Variants in MSRB3 observed in about 807,000 individuals in gnomAD.
MSRB3 encodes methionine-R-sulfoxide reductase B3.
In MSRB3, 13 loss-of-function variants were observed where a neutral mutation model predicts 21.0. The ratio of observed to expected loss-of-function variants is 0.62; its 90% CI spans 0.40 to 0.98. The LOEUF (loss-of-function observed/expected upper bound fraction) is 0.98, where lower values mean the gene tolerates loss of function less well. Among genes scored for constraint, MSRB3 ranks in the 50% least tolerant of loss-of-function variants. The pLI, the probability that MSRB3 is intolerant of heterozygous loss-of-function variation, is 0.00. For synonymous variants in MSRB3, 87 were observed against 88.6 expected, an observed-to-expected ratio of 0.98 and a Z score of 0.10; for missense variants, 199 against 230.3, an observed-to-expected ratio of 0.86 and a Z score of 0.88.
intron 6 of MSRB3, chr12:65,454,254 G>C (rs1882990645): frequency 3.5e-6 from 1 of 288,026 alleles, no homozygotes; most frequent in Non-Finnish European, 6.6e-6. Flanking sequence ...TGCCACTGTA[G>C]TCTAGCCTGG....
At chr12:65,407,340 T>C (rs1880470216) in intron 5 of MSRB3, among the ~76,000 whole-genome samples, 1 of 93,658 alleles carries the variant, frequency 1.1e-5, no homozygotes, top group African/African-American at 3.6e-5. Context: ...CCTGGTATGT[T>C]TTTTTTTTTT....
intron 4 of MSRB3, 74 bp downstream of exon 4, chr12:65,328,677 A>G (rs1281495624): frequency 9.8e-7 from 1 of 1,015,572 alleles, no homozygotes; most frequent in Non-Finnish European, 1.6e-6. Flanking sequence ...TTTTCATCTT[A>G]GAATCTTTCC....
intron 5 of MSRB3, among the ~76,000 whole-genome samples, chr12:65,409,841 G>C (rs1880624697): frequency 6.6e-6 from 1 of 152,078 alleles, no homozygotes; most frequent in South Asian, 2.1e-4. Flanking sequence ...TGATTTTTAA[G>C]AAACAGAATG....
intron 1 of MSRB3, among the ~76,000 whole-genome samples, chr12:65,299,508 A>C (rs765214743): frequency 6.6e-6 from 1 of 152,234 alleles, no homozygotes; most frequent in South Asian, 2.1e-4. Context: ...TTGTCTTTAA[A>C]GGAGATGAGC....
At chr12:65,453,888 T>C in intron 6 of MSRB3, 63 bp downstream of exon 6, 1 of 1,380,338 alleles carries the variant, frequency 7.2e-7, no homozygotes, top group East Asian at 2.3e-5. Flanking sequence ...GTGCTAAATA[T>C]AGCAACTAAG....
intron 1 of MSRB3, chr12:65,283,716 A>C (rs1397271915): frequency 1.3e-5 from 2 of 152,280 alleles, no homozygotes; most frequent in Admixed American, 1.3e-4. Context: ...TACAGGCATG[A>C]GCCACTGCAC....
chr12:65,308,679 T>G (rs1370381929), intron 2 of MSRB3, 24 bp downstream of exon 2: 2 of 1,613,706 alleles, frequency 1.2e-6, no homozygotes, highest in African/African-American at 2.7e-5. Context: ...GTACTGTACA[T>G]AGTGAAGGCA....
At chr12:65,390,550 A>G (rs1171596720) in intron 5 of MSRB3, among the ~76,000 whole-genome samples, 2 of 152,224 alleles carry the variant, frequency 1.3e-5, no homozygotes, top group Admixed American at 1.3e-4. Flanking sequence ...ACTCTTGAAT[A>G]TTACTAGTGG....
rs1423811347 is a variant in MSRB3, at chr12:65,326,877, T to C, written c.128T>C (p.Leu43Pro). 6.2e-7 allele frequency: 1 copy of C among 1,613,660 alleles called. No homozygotes were observed. The highest frequency in any genetic ancestry group is 8.5e-7 in the Non-Finnish European group (1 of 1,179,856). Residue 43 changes from leucine to proline, a missense_variant, in exon 3 of 7, where the codon CTG (leucine) becomes CCG (proline). Transcript: ENST00000308259. ...AAGGTGGTCTTTTCCCAGCAGGAAC[T>C]GAGGAAGCGGCTAACACCCCTGCAG... ...NCKVVFSQQE[L>P]RKRLTPLQYH...
chr12:65,313,476 T>G (rs562696033), intron 2 of MSRB3, among the ~76,000 whole-genome samples: 1 of 152,216 alleles, frequency 6.6e-6, no homozygotes, highest in African/African-American at 2.4e-5. Flanking sequence ...AGTTATGACC[T>G]TCTTTTCCAG....
chr12:65,427,400 G>C (rs751066980), intron 5 of MSRB3, among the ~76,000 whole-genome samples: 4 of 152,248 alleles, frequency 2.6e-5, no homozygotes, highest in Middle Eastern at 6.8e-3. Flanking sequence ...GGCAGTGGCA[G>C]TGAGGATTGT....
At chr12:65,342,508 A>G (rs1054127283) in intron 4 of MSRB3, among the ~76,000 whole-genome samples, 2 of 152,034 alleles carry the variant, frequency 1.3e-5, no homozygotes, top group African/African-American at 4.8e-5. Context: ...GGAAATTAGC[A>G]CTTTCAAATA....
At chr12:65,353,507 G>T (rs1486011042) in intron 4 of MSRB3, among the ~76,000 whole-genome samples, 1 of 152,016 alleles carries the variant, frequency 6.6e-6, no homozygotes, top group African/African-American at 2.4e-5. Flanking sequence ...TTTGATATTT[G>T]TTGGTTTAAA....
At chr12:65,285,424 T>C (rs1424718720) in intron 1 of MSRB3, 1 of 152,162 alleles carries the variant, frequency 6.6e-6, no homozygotes, top group Admixed American at 6.5e-5. Flanking sequence ...TGATACTTGG[T>C]TTCCTAAAGG....
intron 5 of MSRB3, among the ~76,000 whole-genome samples, chr12:65,392,405 G>A (rs1433168079): frequency 6.6e-6 from 1 of 152,194 alleles, no homozygotes; most frequent in African/African-American, 2.4e-5. Context: ...GAATAAAAGA[G>A]TGAATCAAGG....
rs575473257 is a variant in MSRB3, at chr12:65,354,073, T to G, written c.264-14925T>G. Among the ~76,000 whole-genome samples the G allele has an allele frequency of 3.6e-4, 55 of 152,170 alleles. 1 individual carries two copies. The South Asian group carries it at 0.011, about 30-fold the overall frequency. On this transcript the variant is annotated intron_variant, in intron 4 of 6. Transcript: ENST00000308259. ...TTGGCCCCCACTCTCTTCTGGCTTG[T>G]AGAGTTTCTGCCGAGAGATCAGCTG...
At position 65,304,315 on chromosome 12, in the gene MSRB3, G is replaced by A. The variant is rs1168648692; in HGVS notation, c.-51-4214G>A. On this transcript the variant is annotated intron_variant, in intron 1 of 6. Coordinates refer to ENST00000308259, the MANE Select transcript of MSRB3 (RefSeq NM_001031679.3). ...ATATACAAGGGGGAATCATCAAAAT[G>A]TTTTAAGCAGGAAATTATAGACAAT... 2.0e-5 allele frequency among the ~76,000 whole-genome samples: 3 copies of A among 152,258 alleles called. No individual in the cohort carries two copies. The East Asian group carries it at 5.8e-4, about 29-fold the overall frequency.
intron 5 of MSRB3, among the ~76,000 whole-genome samples, chr12:65,405,431 A>G (rs939696873): frequency 1.3e-5 from 2 of 151,168 alleles, no homozygotes; most frequent in Non-Finnish European, 2.9e-5. Flanking sequence ...TCATATATAT[A>G]TATATCATAT....
intron 5 of MSRB3, among the ~76,000 whole-genome samples, chr12:65,374,101 A>C (rs938716550): frequency 1.3e-5 from 2 of 152,210 alleles, no homozygotes; most frequent in African/African-American, 2.4e-5. Context: ...ATTAATAAGG[A>C]AAATATTTTC....
Sources: gnomAD v4.1 joint callset for allele counts (sites outside exome capture counted in the v4.1 genomes callset) on GRCh38, gnomAD v4.1.1 for gene constraint, MANE v1.5 for transcripts, NCBI Gene and HGNC (gene_info 2026-07-23, HGNC 2026-07-21) for gene names.